The following MIR2052HG variants were observed in gnomAD, a reference collection of about 807,000 sequenced individuals.
The protein encoded by MIR2052HG is MIR2052 host gene.
intron 4 of MIR2052HG, among the ~76,000 whole-genome samples, chr8:74,744,551 C>T (rs940458683): frequency 1.3e-5 from 2 of 151,912 alleles, no homozygotes; most frequent in African/African-American, 2.4e-5. Flanking sequence ...GTTCAATTCC[C>T]ACCTATGAGT....
chr8:74,672,781 CTGCTGAATTCTGCTGATAT>C (rs1809006975), intron 2 of MIR2052HG, among the ~76,000 whole-genome samples: 1 of 152,050 alleles, frequency 6.6e-6, no homozygotes, highest in African/African-American at 2.4e-5. Flanking sequence ...ATTTTAATAT[CTGCTGAATTCTGCTGATAT>C]TATCTGCTGA....
At chr8:74,600,683 A>T (rs200781860) in intron 1 of MIR2052HG, among the ~76,000 whole-genome samples, 2 of 151,496 alleles carry the variant, frequency 1.3e-5, no homozygotes, top group Non-Finnish European at 2.9e-5. Context: ...TCAAGTGATT[A>T]TCCTGCCTCA....
intron 2 of MIR2052HG, among the ~76,000 whole-genome samples, chr8:74,697,127 C>A (rs1172793563): frequency 6.6e-6 from 1 of 152,082 alleles, no homozygotes; most frequent in Non-Finnish European, 1.5e-5. Context: ...AGATAATCCA[C>A]CATGATCAAG....
At chr8:74,752,647 T>A in intron 5 of MIR2052HG, 1 of 333,838 alleles carries the variant, frequency 3.0e-6, no homozygotes, top group South Asian at 2.3e-5. Context: ...TTGTTGAATT[T>A]TTAAAGATGT....
At chr8:74,662,131 G>C (rs1000388187) in intron 2 of MIR2052HG, among the ~76,000 whole-genome samples, 1 of 152,098 alleles carries the variant, frequency 6.6e-6, no homozygotes, top group African/African-American at 2.4e-5. Flanking sequence ...GAGTATCACG[G>C]TTTTGAAACA....
intron 2 of MIR2052HG, among the ~76,000 whole-genome samples, chr8:74,621,473 T>A (rs962984171): frequency 6.6e-6 from 1 of 152,164 alleles, no homozygotes; most frequent in African/African-American, 2.4e-5. Flanking sequence ...CTGCATTGCT[T>A]GGGAGGCCTC....
At chr8:74,750,266 C>T (rs1288557715) in intron 4 of MIR2052HG, among the ~76,000 whole-genome samples, 1 of 152,024 alleles carries the variant, frequency 6.6e-6, no homozygotes, top group African/African-American at 2.4e-5. Flanking sequence ...AAAATCAAGA[C>T]CATGGTTAGA....
chr8:74,714,870 A>T (rs1809505546), intron 4 of MIR2052HG, among the ~76,000 whole-genome samples: 1 of 151,516 alleles, frequency 6.6e-6, no homozygotes, highest in Non-Finnish European at 1.5e-5. Context: ...TGCCCAGCTA[A>T]TTTTCATATT....
chr8:74,739,804 A>T (rs186584366), intron 4 of MIR2052HG, among the ~76,000 whole-genome samples: 2 of 151,948 alleles, frequency 1.3e-5, no homozygotes, highest in Admixed American at 1.3e-4. Flanking sequence ...ATCCAAAAAA[A>T]CTCTGTGTGT....
At chr8:74,645,530 C>T (rs1808682543) in intron 2 of MIR2052HG, among the ~76,000 whole-genome samples, 2 of 152,196 alleles carry the variant, frequency 1.3e-5, no homozygotes, top group Admixed American at 6.5e-5. Flanking sequence ...GGTGATCTGC[C>T]TGCTTTGGCC....
chr8:74,693,638 A>C (rs1809265855), intron 2 of MIR2052HG, among the ~76,000 whole-genome samples: 1 of 151,954 alleles, frequency 6.6e-6, no homozygotes, highest in Non-Finnish European at 1.5e-5. Context: ...AATGGTGGGA[A>C]TGAGACCAGC....
At chr8:74,604,014 G>A in intron 1 of MIR2052HG, 1 of 981,758 alleles carries the variant, frequency 1.0e-6, no homozygotes, top group East Asian at 2.4e-5. Context: ...CTTCCAGTTT[G>A]TCAATGATCA....
chr8:74,705,280 T>G (rs937022512), intron 4 of MIR2052HG, among the ~76,000 whole-genome samples: 4 of 152,118 alleles, frequency 2.6e-5, no homozygotes, highest in African/African-American at 9.7e-5. Flanking sequence ...TAAAATACTT[T>G]GCAGACATTT....
At chr8:74,628,037 G>T (rs942203979) in intron 2 of MIR2052HG, among the ~76,000 whole-genome samples, 1 of 152,148 alleles carries the variant, frequency 6.6e-6, no homozygotes, top group African/African-American at 2.4e-5. Flanking sequence ...GAGGACTTTG[G>T]TGCACTGATG....
At chr8:74,742,887 A>G (rs1809845693) in intron 4 of MIR2052HG, among the ~76,000 whole-genome samples, 1 of 152,154 alleles carries the variant, frequency 6.6e-6, no homozygotes. Flanking sequence ...TCAGAGTTTG[A>G]GCTACAATGA....
chr8:74,641,902 G>C (rs985610567), intron 2 of MIR2052HG, among the ~76,000 whole-genome samples: 9 of 152,104 alleles, frequency 5.9e-5, no homozygotes, highest in Non-Finnish European at 1.3e-4. Flanking sequence ...TATTGTCTCA[G>C]CCCAGGGGAG....
At chr8:74,692,643 T>C (rs1034296668) in intron 2 of MIR2052HG, among the ~76,000 whole-genome samples, 1 of 152,222 alleles carries the variant, frequency 6.6e-6, no homozygotes, top group African/African-American at 2.4e-5. Context: ...TTACATAAGT[T>C]TCTCAAAGTT....
At chr8:74,633,681 T>C (rs967544144) in intron 2 of MIR2052HG, among the ~76,000 whole-genome samples, 3 of 152,238 alleles carry the variant, frequency 2.0e-5, no homozygotes, top group Non-Finnish European at 2.9e-5. Flanking sequence ...GCATGTGTAC[T>C]GTTCATTGGG....
At chr8:74,642,637 A>T (rs191686037) in intron 2 of MIR2052HG, among the ~76,000 whole-genome samples, 1 of 152,306 alleles carries the variant, frequency 6.6e-6, no homozygotes, top group Non-Finnish European at 1.5e-5. Flanking sequence ...TACAAGCAGC[A>T]GAGTCTTTAG....
Sources: gnomAD v4.1 joint callset for allele counts (sites outside exome capture counted in the v4.1 genomes callset) on GRCh38, gnomAD v4.1.1 for gene constraint, MANE v1.5 for transcripts, NCBI Gene and HGNC (gene_info 2026-07-23, HGNC 2026-07-21) for gene names.